Variants in C2CD3 observed in about 807,000 individuals in gnomAD.
C2CD3 encodes C2 domain-containing protein 3.
In C2CD3, 148 loss-of-function variants were observed where a neutral mutation model predicts 234.0. That is an observed-to-expected ratio of 0.63 (90% CI 0.55 to 0.72). The LOEUF (loss-of-function observed/expected upper bound fraction) is 0.72, where lower values mean the gene tolerates loss of function less well. Among genes scored for constraint, C2CD3 ranks in the 30% least tolerant of loss-of-function variants. The pLI is 0.00. For missense variants in C2CD3, 2,577 were observed against 2,811.5 expected, an observed-to-expected ratio of 0.92 and a Z score of 1.89; for synonymous variants, 1,000 against 1,035.4, an observed-to-expected ratio of 0.97 and a Z score of 0.66.
intron 22 of C2CD3, among the ~76,000 whole-genome samples, chr11:74,083,214 A>G (rs1095425): frequency 0.55 from 83,512 of 151,828 alleles, 23,392 homozygotes; most frequent in African/African-American, 0.68. Flanking sequence ...TTTAATAAAT[A>G]GTGCTGGGAA....
chr11:74,146,747 C>CAT (rs58129019), intron 3 of C2CD3, among the ~76,000 whole-genome samples: 9,574 of 144,050 alleles, frequency 0.066, 1,103 homozygotes, highest in African/African-American at 0.23. Flanking sequence ...CACACACACA[C>CAT]AATTAACATA....
chr11:74,129,593 G>C (rs1481907611), intron 7 of C2CD3: 3 of 177,128 alleles, frequency 1.7e-5, no homozygotes, highest in Non-Finnish European at 3.4e-5. Context: ...TTTCCAGACT[G>C]GGCAGCCAGG....
chr11:74,057,520 A>G lies in C2CD3; in HGVS notation c.4976T>C (p.Val1659Ala). The change falls in exon 25 of 33, where the codon GTA becomes GCA. Residue 1659 changes from valine to alanine, a missense_variant. Val to Ala is a moderately conservative substitution (Grantham distance 64, BLOSUM62 0). Coordinates refer to ENST00000334126, the MANE Select transcript of C2CD3 (RefSeq NM_001286577.2). ...GGATACACAACAACTGGGTATCGAT[A>G]CTTTCCGCTCTGTCAAGGGGCTCCC... The part of the protein sequence containing the change: ...LKGSPLTERK[V>A]SIPSCCVSFA... 1 of 1,614,160 alleles carries G rather than the reference A, an allele frequency of 6.2e-7. No individual in the cohort carries two copies. Among genetic ancestry groups the G allele is most frequent in the Non-Finnish European group, 8.5e-7 (1 of 1,179,996 alleles).
chr11:74,118,340 C>A lies in C2CD3; in HGVS notation c.1408G>T (p.Asp470Tyr), dbSNP rs898566425. ...CTTATTTTTTTAGAAGGGACGATAT[C>A]ATCCTCTTCACTGAGGAAATCACTG... ...SISDFLSEED[D>Y]IVPSKKISQS... The change falls in exon 9 of 33, where the codon GAT (aspartate) becomes TAT (tyrosine). Residue 470 changes from aspartate (D) to tyrosine (Y), a missense_variant. Coordinates refer to ENST00000334126, the MANE Select transcript of C2CD3 (RefSeq NM_001286577.2). 6.2e-7 allele frequency: 1 copy of A among 1,612,586 alleles called. No homozygotes were observed. Among genetic ancestry groups the A allele is most frequent in the African/African-American group, 1.3e-5 (1 of 75,004 alleles).
intron 2 of C2CD3, 27 bp downstream of exon 2, chr11:74,168,317 A>G: frequency 1.3e-6 from 2 of 1,586,602 alleles, no homozygotes; most frequent in Non-Finnish European, 1.7e-6. Context: ...TTACGTCTGC[A>G]GGTGCAATGA....
In C2CD3 at chr11:74,116,973, C is replaced by T. The variant is rs368522448; in HGVS notation, c.1520+1255G>A. ...GTATATATGTGTATATACACATATA[C>T]ACGTATATATACACATATACGTGTA... is the stretch of plus-strand genomic sequence containing the variant. On this transcript the variant is annotated intron_variant, in intron 9 of 32. Transcript: ENST00000334126. 6.4e-3 allele frequency among the ~76,000 whole-genome samples: 411 copies of T among 64,446 alleles called. 20 individuals carry two copies. Among genetic ancestry groups the T allele is most frequent in the African/African-American group, 0.018 (328 of 18,658 alleles). The allele number at this position is 64,446 out of a possible 152,430, so 42.3% of individuals were successfully genotyped here.
intron 3 of C2CD3, among the ~76,000 whole-genome samples, chr11:74,155,273 A>C (rs1045171881): frequency 2.0e-5 from 3 of 152,232 alleles, no homozygotes; most frequent in Non-Finnish European, 4.4e-5. Flanking sequence ...AAAATACACA[A>C]ATATTATTGT....
At chr11:74,024,143 A>G (rs1452801263) in intron 32 of C2CD3, among the ~76,000 whole-genome samples, 1 of 152,210 alleles carries the variant, frequency 6.6e-6, no homozygotes, top group Non-Finnish European at 1.5e-5. Context: ...GATAAAGAGA[A>G]AATCAAACAA....
At chr11:74,063,069 G>A (rs1184708080) in intron 24 of C2CD3, among the ~76,000 whole-genome samples, 10 of 152,112 alleles carry the variant, frequency 6.6e-5, no homozygotes, top group Admixed American at 5.9e-4. Flanking sequence ...ACCCTCCCAA[G>A]ACTAAACCAG....
At chr11:74,166,519 G>C (rs1856824032) in intron 2 of C2CD3, among the ~76,000 whole-genome samples, 1 of 152,076 alleles carries the variant, frequency 6.6e-6, no homozygotes, top group South Asian at 2.1e-4. Flanking sequence ...AAGATGAAAT[G>C]GCTTGCTCAA....
intron 3 of C2CD3, among the ~76,000 whole-genome samples, chr11:74,156,237 GCACTCCAGC>G (rs1856009009): frequency 6.6e-6 from 1 of 151,750 alleles, no homozygotes; most frequent in Admixed American, 6.6e-5. Context: ...TCGCACCACT[GCACTCCAGC>G]CTGGTGACCG....
At chr11:74,104,514 G>T (rs1010805670) in intron 13 of C2CD3, among the ~76,000 whole-genome samples, 2 of 152,096 alleles carry the variant, frequency 1.3e-5, no homozygotes, top group African/African-American at 4.8e-5. Flanking sequence ...GTATGTACAT[G>T]TATGGGGGGA....
At chr11:74,111,222 G>A (rs778420109) in intron 11 of C2CD3, among the ~76,000 whole-genome samples, 4 of 151,992 alleles carry the variant, frequency 2.6e-5, no homozygotes, top group Non-Finnish European at 5.9e-5. Context: ...GTCCTGATAT[G>A]CAAAAATTCC....
intron 7 of C2CD3, among the ~76,000 whole-genome samples, chr11:74,126,738 T>A (rs1957425695): frequency 6.6e-6 from 1 of 152,150 alleles, no homozygotes. Flanking sequence ...AGCAAAACTC[T>A]GTCTCAAAAA....
chr11:74,100,268 T>G lies in C2CD3; in HGVS notation c.2732+257A>C, dbSNP rs78338064. On this transcript the variant is annotated intron_variant, in intron 15 of 32. Transcript: ENST00000334126. ...ATCTGTACAAAAAAGCAAATAGAAG[T>G]ACCTGCCTCAGAGGGTTTGTCAAGA... 5.5e-3 allele frequency among the ~76,000 whole-genome samples: 842 copies of G among 152,308 alleles called. 7 individuals are homozygous for G. The highest frequency in any genetic ancestry group is 0.011 in the South Asian group (54 of 4,826).
chr11:74,116,440 T>C (rs1374516299), intron 9 of C2CD3, among the ~76,000 whole-genome samples: 1 of 151,594 alleles, frequency 6.6e-6, no homozygotes, highest in East Asian at 1.9e-4. Context: ...ACTTTACTCC[T>C]GCAAGAATGG....
chr11:74,059,410 CAAAAAAAAA>C (rs57052333), intron 24 of C2CD3, among the ~76,000 whole-genome samples: 2 of 29,958 alleles, frequency 6.7e-5, no homozygotes, highest in African/African-American at 2.8e-4. Context: ...GACTCTGTCT[CAAAAAAAAA>C]AAAAAAAAAA....
chr11:74,134,812 A>G (rs1957804772), intron 5 of C2CD3, among the ~76,000 whole-genome samples: 1 of 152,144 alleles, frequency 6.6e-6, no homozygotes, highest in African/African-American at 2.4e-5. Context: ...TACAGCCTCG[A>G]ACTTCCAGGC....
At chr11:74,151,629 C>T (rs1313927864) in intron 3 of C2CD3, among the ~76,000 whole-genome samples, 1 of 151,746 alleles carries the variant, frequency 6.6e-6, no homozygotes, top group East Asian at 1.9e-4. Flanking sequence ...GCCTGGCAGA[C>T]AACACTCATT....
Sources: gnomAD v4.1 joint callset for allele counts (sites outside exome capture counted in the v4.1 genomes callset) on GRCh38, gnomAD v4.1.1 for gene constraint, MANE v1.5 for transcripts, NCBI Gene and HGNC (gene_info 2026-07-23, HGNC 2026-07-21) for gene names.